PAG1: variants seen among roughly 807,000 people sequenced by gnomAD.
PAG1 encodes phosphoprotein membrane anchor with glycosphingolipid microdomains 1.
In PAG1, 23 loss-of-function variants were observed where a neutral mutation model predicts 31.7. The observed-to-expected ratio is 0.73, with a 90% CI of 0.52 to 1.03. PAG1 has a LOEUF of 1.03. PAG1 is among the 50% of genes least tolerant of loss of function. The probability of loss-of-function intolerance (pLI) is 0.00; values close to 1 mark genes in which losing one functional copy is unlikely to be tolerated. For missense variants in PAG1, 473 were observed against 540.7 expected (o/e 0.87, Z 1.24); for synonymous variants, 214 against 210.3 (o/e 1.02, Z -0.15).
At chr8:81,082,018 C>T (rs1267625979) in intron 1 of PAG1, among the ~76,000 whole-genome samples, 2 of 151,854 alleles carry the variant, frequency 1.3e-5, no homozygotes, top group South Asian at 2.1e-4. Flanking sequence ...TTTGGGAGGC[C>T]GAGGCAGGCA....
At chr8:81,081,468 A>G (rs887609994) in intron 1 of PAG1, among the ~76,000 whole-genome samples, 1 of 152,190 alleles carries the variant, frequency 6.6e-6, no homozygotes, top group Non-Finnish European at 1.5e-5. Flanking sequence ...TTGCAACACT[A>G]TATTACAACA....
chr8:81,089,779 G>A (rs1178060395), intron 1 of PAG1, among the ~76,000 whole-genome samples: 1 of 152,108 alleles, frequency 6.6e-6, no homozygotes, highest in Non-Finnish European at 1.5e-5. Context: ...TAGAACAAAA[G>A]GGTTGTTAGT....
At chr8:81,042,655 G>T (rs1206486679) in intron 2 of PAG1, among the ~76,000 whole-genome samples, 1 of 152,030 alleles carries the variant, frequency 6.6e-6, no homozygotes, top group African/African-American at 2.4e-5. Context: ...AGAAAGGGGG[G>T]TGAGGAAGGG....
At chr8:80,992,941 C>T (rs775074005) in intron 4 of PAG1, among the ~76,000 whole-genome samples, 162 bp downstream of exon 4, 11 of 152,194 alleles carry the variant, frequency 7.2e-5, no homozygotes, top group Admixed American at 2.0e-4. Flanking sequence ...AAGAATGTCC[C>T]GAGACGCTCT....
chr8:81,030,379 T>C (rs1361497521), intron 2 of PAG1, among the ~76,000 whole-genome samples: 2 of 152,274 alleles, frequency 1.3e-5, no homozygotes, highest in African/African-American at 4.8e-5. Context: ...TCAATTTACT[T>C]GCTCTTTCTA....
At chr8:81,065,092 G>T (rs896749925) in intron 2 of PAG1, among the ~76,000 whole-genome samples, 5 of 152,112 alleles carry the variant, frequency 3.3e-5, no homozygotes, top group African/African-American at 1.2e-4. Context: ...CTGCTCTTGG[G>T]GGGAGGCGCT....
intron 1 of PAG1, among the ~76,000 whole-genome samples, chr8:81,107,751 CT>C (rs1163709102): frequency 6.6e-6 from 1 of 152,212 alleles, no homozygotes; most frequent in Non-Finnish European, 1.5e-5. Context: ...CTGTTTTCCC[CT>C]CATACTTAAC....
intron 2 of PAG1, among the ~76,000 whole-genome samples, chr8:81,040,321 G>A (rs773678293): frequency 2.0e-5 from 3 of 152,038 alleles, no homozygotes; most frequent in Non-Finnish European, 4.4e-5. Context: ...GTAATCACAC[G>A]GCTATCTGAG....
In PAG1 at chr8:80,976,540, G is replaced by A. The variant is rs776329127; in HGVS notation, c.*4C>T. On this transcript the variant is annotated 3_prime_UTR_variant, in exon 9 of 9. Transcript: ENST00000220597. Reference sequence around the variant, plus strand: ...CAGGCTACCCAGGGTTGTCTTCTGGGTTGCTAGAGCCTGGTAATATCTCTG... The same window carrying A: ...CAGGCTACCCAGGGTTGTCTTCTGGATTGCTAGAGCCTGGTAATATCTCTG... 7 of 1,605,144 alleles carry A rather than the reference G, an allele frequency of 4.4e-6. No homozygotes were observed. In the Admixed American group the frequency reaches 6.8e-5, roughly 16 times the overall value.
At chr8:80,981,427 C>T (rs573826226) in intron 7 of PAG1, among the ~76,000 whole-genome samples, 2 of 152,112 alleles carry the variant, frequency 1.3e-5, no homozygotes, top group Admixed American at 6.5e-5. Flanking sequence ...CCGTATCATC[C>T]GATGCTTCCC....
chr8:80,976,675 T>C lies in PAG1; in HGVS notation c.1168A>G (p.Ile390Val). Residue 390 changes from isoleucine to valine, a missense_variant, in exon 9 of 9, where the codon ATA becomes GTA. Coordinates refer to ENST00000220597, the MANE Select transcript of PAG1 (RefSeq NM_018440.4). ...TCTTCCTCTCTGTTGAGAGTCTGTATCGCTTCATAATCAGGCTCTGGCTCC... is the reference window on the plus strand; with the variant it reads ...TCTTCCTCTCTGTTGAGAGTCTGTACCGCTTCATAATCAGGCTCTGGCTCC... ...SEEPEPDYEA[I>V]QTLNREEEKA... is the part of the protein sequence containing the mutation. 1 of 1,614,190 alleles carries C rather than the reference T, an allele frequency of 6.2e-7. No homozygotes were observed. The highest frequency in any genetic ancestry group is 8.5e-7 in the Non-Finnish European group (1 of 1,180,030).
chr8:81,033,353 C>A (rs1239894716), intron 2 of PAG1, among the ~76,000 whole-genome samples: 2 of 152,200 alleles, frequency 1.3e-5, no homozygotes, highest in African/African-American at 4.8e-5. Flanking sequence ...AGACCAAACA[C>A]TTCTTCAGGT....
intron 1 of PAG1, among the ~76,000 whole-genome samples, chr8:81,106,796 G>A (rs1220427094): frequency 6.6e-6 from 1 of 152,166 alleles, no homozygotes; most frequent in Non-Finnish European, 1.5e-5. Context: ...TTTGACTGGA[G>A]TTAGAAAGGC....
At position 80,976,450 on chromosome 8, in the gene PAG1, A is replaced by T; in HGVS notation, c.*94T>A. On this transcript the variant is annotated 3_prime_UTR_variant, in exon 9 of 9. Coordinates refer to ENST00000220597, the MANE Select transcript of PAG1 (RefSeq NM_018440.4). ...ACCATCTTCAGGTGACTAAAGCAGC[A>T]TATGAAGTATAGGTTTGTGTCACTT... The T allele has an allele frequency of 8.0e-7, 1 of 1,253,978 alleles. No individual in the cohort carries two copies. Among genetic ancestry groups the T allele is most frequent in the South Asian group, 1.5e-5 (1 of 68,522 alleles). 77.7% of individuals were successfully genotyped at this position (1,253,978 alleles called of 1,614,324 possible). A position where few individuals can be genotyped will look rare whatever the true frequency, so the allele number is the denominator to read the frequency against.
Position 81,019,917 on chromosome 8 carries a change from G to A in PAG1, c.-81+10079C>T, listed in dbSNP as rs568510184. ...TGTGAAAGCAGCCAGGAGTGGGGAT[G>A]TACCCTGAAAAGCCATAGGGGTGGA... On this transcript the variant is annotated intron_variant, in intron 3 of 8. Coordinates refer to ENST00000220597, the MANE Select transcript of PAG1 (RefSeq NM_018440.4). Among the ~76,000 whole-genome samples, 10 of 152,288 alleles carry A rather than the reference G, an allele frequency of 6.6e-5. No homozygotes were observed. The South Asian group carries it at 2.1e-3, about 32-fold the overall frequency.
At chr8:80,983,455 C>T (rs1807348632) in intron 7 of PAG1, among the ~76,000 whole-genome samples, 1 of 152,080 alleles carries the variant, frequency 6.6e-6, no homozygotes, top group African/African-American at 2.4e-5. Context: ...GTTTTGTTTC[C>T]AGGACTAGAA....
rs527659819 is a variant in PAG1, at chr8:81,100,116, G to GA, written c.-234+11474dup. ...AGATATTCTCTTATATTTAGCAAATGAAATCTAAATTATTTTTATCTTAAC... is the reference window on the plus strand; with the variant it reads ...AGATATTCTCTTATATTTAGCAAATGAAAATCTAAATTATTTTTATCTTAAC... On this transcript the variant is annotated intron_variant, in intron 1 of 8. Transcript: ENST00000220597. Among the ~76,000 whole-genome samples, 152 of 152,266 alleles carry GA rather than the reference G, an allele frequency of 1.0e-3. 2 individuals carry two copies. Among genetic ancestry groups the GA allele is most frequent in the African/African-American group, 3.5e-3 (147 of 41,544 alleles).
chr8:80,987,045 TA>T (rs1347243717), intron 6 of PAG1, among the ~76,000 whole-genome samples: 16 of 152,260 alleles, frequency 1.1e-4, no homozygotes, highest in African/African-American at 3.4e-4. Flanking sequence ...TTGTGAGGAG[TA>T]ATAATACCTA....
rs111448325 is a variant in PAG1 at position 80,970,104 on chromosome 8, GT to G, written c.*6439del. On this transcript the variant is annotated 3_prime_UTR_variant, in exon 9 of 9. Coordinates refer to ENST00000220597, the MANE Select transcript of PAG1 (RefSeq NM_018440.4). ...TTTACACTCAATTTACTTTAAAAAG[GT>G]TTTTTTTTTGTTTTTGTTTTTGAGA... The G allele has an allele frequency of 7.9e-4, 117 of 148,774 alleles. No homozygotes were observed. Among genetic ancestry groups the G allele is most frequent in the East Asian group, 1.4e-3 (7 of 5,092 alleles). The allele number at this position is 148,774 out of a possible 1,614,324, so 9.2% of individuals were successfully genotyped here.
Sources: gnomAD v4.1 joint callset for allele counts (sites outside exome capture counted in the v4.1 genomes callset) on GRCh38, gnomAD v4.1.1 for gene constraint, MANE v1.5 for transcripts, NCBI Gene and HGNC (gene_info 2026-07-23, HGNC 2026-07-21) for gene names.